MCUB: variants seen among roughly 807,000 people sequenced by gnomAD.
MCUB encodes the protein mitochondrial calcium uniporter dominant negative subunit beta, also known as calcium uniporter regulatory subunit MCUb, mitochondrial.
MCUB carries 46 observed loss-of-function variants against 41.4 expected under a neutral mutation model. The ratio of observed to expected loss-of-function variants is 1.11; its 90% CI spans 0.88 to 1.42. MCUB has a LOEUF of 1.42. MCUB is among the 40% of genes most tolerant of loss of function. The pLI, the probability that MCUB is intolerant of heterozygous loss-of-function variation, is 0.00. For missense variants in MCUB, 403 were observed against 404.9 expected (o/e 1.00, Z 0.04); for synonymous variants, 148 against 148.2 (o/e 1.00, Z 0.01).
At chr4:109,597,227 C>T (rs893076360) in intron 1 of MCUB, among the ~76,000 whole-genome samples, 14 of 152,160 alleles carry the variant, frequency 9.2e-5, no homozygotes, top group African/African-American at 3.1e-4. Context: ...CATCCTGGCC[C>T]GTTCTCAATG....
intron 1 of MCUB, among the ~76,000 whole-genome samples, chr4:109,615,492 G>A (rs1579066986): frequency 6.7e-6 from 1 of 149,656 alleles, no homozygotes; most frequent in African/African-American, 2.5e-5. Flanking sequence ...TGCAACCTCC[G>A]TCTGCCGGGT....
chr4:109,659,119 G>A (rs1182713184), intron 2 of MCUB, 33 bp downstream of exon 2: 3 of 1,156,100 alleles, frequency 2.6e-6, no homozygotes, highest in African/African-American at 1.5e-5. Flanking sequence ...TGATTCATAT[G>A]TTAATTGTTT....
intron 1 of MCUB, among the ~76,000 whole-genome samples, chr4:109,628,663 G>A (rs1728412123): frequency 6.6e-6 from 1 of 152,212 alleles, no homozygotes; most frequent in Non-Finnish European, 1.5e-5. Flanking sequence ...TTTGGCTTGA[G>A]CAGCTGGGTG....
chr4:109,565,055 C>T (rs1726738547), intron 1 of MCUB, among the ~76,000 whole-genome samples: 1 of 152,204 alleles, frequency 6.6e-6, no homozygotes, highest in African/African-American at 2.4e-5. Flanking sequence ...CTACTTAGAA[C>T]ATATTTGTTC....
At chr4:109,579,450 A>C (rs1727118465) in intron 1 of MCUB, among the ~76,000 whole-genome samples, 1 of 152,016 alleles carries the variant, frequency 6.6e-6, no homozygotes, top group African/African-American at 2.4e-5. Context: ...GGGTTTCAAC[A>C]TGTTGGCCAA....
intron 4 of MCUB, among the ~76,000 whole-genome samples, chr4:109,665,855 G>C (rs538293652): frequency 3.2e-4 from 49 of 151,974 alleles, no homozygotes; most frequent in Non-Finnish European, 5.9e-4. Flanking sequence ...GGACATGAGA[G>C]AGCAAGGGAA....
chr4:109,566,301 C>G (rs530000454), intron 1 of MCUB, among the ~76,000 whole-genome samples: 2 of 151,550 alleles, frequency 1.3e-5, no homozygotes, highest in Admixed American at 6.6e-5. Context: ...AACCCCGTCT[C>G]TACTAAAAAT....
At chr4:109,679,999 A>G (rs1354999254) in intron 4 of MCUB, among the ~76,000 whole-genome samples, 1 of 152,046 alleles carries the variant, frequency 6.6e-6, no homozygotes, top group Non-Finnish European at 1.5e-5. Flanking sequence ...ACGGGGTTTC[A>G]CCCTGTTGGC....
intron 1 of MCUB, among the ~76,000 whole-genome samples, chr4:109,613,128 G>A (rs1240634557): frequency 1.3e-5 from 2 of 151,730 alleles, no homozygotes; most frequent in Non-Finnish European, 2.9e-5. Flanking sequence ...AAAGAATACA[G>A]GAATTAAAAA....
At chr4:109,591,977 G>A (rs1346737748) in intron 1 of MCUB, among the ~76,000 whole-genome samples, 1 of 152,084 alleles carries the variant, frequency 6.6e-6, no homozygotes. Context: ...TAGGATTACA[G>A]GCGTGAGCCA....
chr4:109,684,566 G>T lies in MCUB; in HGVS notation c.736G>T (p.Asp246Tyr). Residue 246 changes from aspartate to tyrosine, a missense_variant, in exon 6 of 8, where the codon GAT (aspartate) becomes TAT (tyrosine). Physicochemically the swap from Asp to Tyr is radical, Grantham distance 160. Coordinates refer to ENST00000394650, the MANE Select transcript of MCUB (RefSeq NM_017918.5). ...GCTCACGTGGTGGGTGTACTCCTGG[G>T]ATATCATGGAGCCAGTTACATACTT... ...AWLTWWVYSWDIMEPVTYFIT... is the reference protein window; with the variant it reads ...AWLTWWVYSWYIMEPVTYFIT... 6.2e-7 allele frequency: 1 copy of T among 1,606,332 alleles called. No homozygotes were observed.
intron 1 of MCUB, among the ~76,000 whole-genome samples, chr4:109,599,105 A>G (rs938633526): frequency 3.3e-5 from 5 of 152,224 alleles, no homozygotes; most frequent in Admixed American, 6.5e-5. Context: ...TCAACAATGG[A>G]TATTTAATTA....
chr4:109,581,476 G>A (rs1392890003), intron 1 of MCUB, among the ~76,000 whole-genome samples: 8 of 152,150 alleles, frequency 5.3e-5, no homozygotes, highest in Admixed American at 2.6e-4. Flanking sequence ...GCATGGGCAA[G>A]GACTTCATGT....
chr4:109,630,035 A>G (rs1296771781), intron 1 of MCUB, among the ~76,000 whole-genome samples: 1 of 152,242 alleles, frequency 6.6e-6, no homozygotes, highest in Admixed American at 6.5e-5. Flanking sequence ...ACATTAGCAT[A>G]TAAAAGACAC....
intron 1 of MCUB, among the ~76,000 whole-genome samples, chr4:109,571,796 G>T (rs1217005923): frequency 6.6e-6 from 1 of 152,234 alleles, no homozygotes; most frequent in Non-Finnish European, 1.5e-5. Context: ...AAGATGTTAT[G>T]GCCTAGGCCT....
intron 4 of MCUB, among the ~76,000 whole-genome samples, chr4:109,669,901 AT>A (rs1220459132): frequency 1.3e-5 from 2 of 152,006 alleles, no homozygotes; most frequent in African/African-American, 4.8e-5. Context: ...GTCTTCTTAC[AT>A]TACCCATCTG....
chr4:109,648,878 A>G (rs1728897729), intron 1 of MCUB, among the ~76,000 whole-genome samples: 1 of 152,164 alleles, frequency 6.6e-6, no homozygotes, highest in Admixed American at 6.6e-5. Context: ...GCCTAACCCC[A>G]AAAGCACCAT....
At chr4:109,620,813 T>TTATCCC (rs1311900726) in intron 1 of MCUB, among the ~76,000 whole-genome samples, 1 of 152,144 alleles carries the variant, frequency 6.6e-6, no homozygotes, top group African/African-American at 2.4e-5. Flanking sequence ...AGAGGCAACT[T>TTATCCC]TATCCCTACT....
chr4:109,639,915 T>G (rs533107755), intron 1 of MCUB, among the ~76,000 whole-genome samples: 1 of 152,286 alleles, frequency 6.6e-6, no homozygotes, highest in South Asian at 2.1e-4. Flanking sequence ...CTTTGAAGCT[T>G]TGAAGCCTTG....
Sources: allele counts gnomAD v4.1 joint callset (sites outside exome capture counted in the v4.1 genomes callset), GRCh38; gene constraint gnomAD v4.1.1; transcripts MANE v1.5; gene names NCBI Gene and HGNC (gene_info 2026-07-23, HGNC 2026-07-21).